Variants in PADI2 observed in about 807,000 individuals in gnomAD.
PADI2 encodes the protein protein-arginine deiminase type-2.
Under a neutral mutation model 81.1 loss-of-function variants are expected in PADI2, and 70 were observed. That is an observed-to-expected ratio of 0.86 (90% confidence interval 0.71 to 1.05). PADI2 has a LOEUF of 1.05. Ranked by LOEUF, PADI2 falls within the 50% of genes least tolerant of loss-of-function variation. The pLI is 0.00. For synonymous variants in PADI2, 338 were observed against 358.0 expected, an observed-to-expected ratio of 0.94 and a Z score of 0.63; for missense variants, 853 against 889.9, an observed-to-expected ratio of 0.96 and a Z score of 0.53.
At chr1:17,094,079 C>T (rs557388518) in intron 4 of PADI2, among the ~76,000 whole-genome samples, 20 of 152,222 alleles carry the variant, frequency 1.3e-4, no homozygotes, top group African/African-American at 3.9e-4. Flanking sequence ...TTTCCAGACA[C>T]GCTCCTAGTG....
At chr1:17,074,446 A>G (rs1165437451) in intron 13 of PADI2, among the ~76,000 whole-genome samples, 2 of 151,492 alleles carry the variant, frequency 1.3e-5, no homozygotes, top group African/African-American at 2.4e-5. Flanking sequence ...TGTTGCCCAG[A>G]TTGGTCTCGA....
Position 17,094,178 on chromosome 1 carries a change from C to T in PADI2, c.412-494G>A, listed in dbSNP as rs573370007. On this transcript the variant is annotated intron_variant, in intron 4 of 15. Transcript: ENST00000375486. The stretch of plus-strand genomic sequence containing the variant: ...ACTCGGGCCAGATTGTGTTGCTTCC[C>T]TGCTTTAAGCCAGGTCAGGGGCTCC... Among the ~76,000 whole-genome samples, 6 of 152,330 alleles carry T rather than the reference C, an allele frequency of 3.9e-5. No individual in the cohort carries two copies. The East Asian group carries it at 9.7e-4, about 25-fold the overall frequency.
chr1:17,084,282 A>C (rs2078369177), intron 8 of PADI2, among the ~76,000 whole-genome samples: 3 of 152,222 alleles, frequency 2.0e-5, no homozygotes, highest in African/African-American at 7.2e-5. Flanking sequence ...CTGTTTAATG[A>C]ATGAGTCAGA....
intron 1 of PADI2, among the ~76,000 whole-genome samples, chr1:17,110,879 A>C (rs890960650): frequency 6.6e-6 from 1 of 151,906 alleles, no homozygotes; most frequent in African/African-American, 2.4e-5. Flanking sequence ...TGTTTGTTTC[A>C]GCACCTGGCC....
intron 4 of PADI2, 71 bp from the exon 5 acceptor site, chr1:17,093,755 GAT>G (rs1396661293): frequency 1.1e-6 from 1 of 917,982 alleles, no homozygotes; most frequent in Non-Finnish European, 1.8e-6. Context: ...ACACTGGAGA[GAT>G]AGCCCCAGGA....
rs143212954 is a variant in PADI2 at position 17,093,724 on chromosome 1, T to A, written c.412-40A>T. Reference sequence around the variant, plus strand: ...AGAAAGGTCAGTGCCCTCTTCTCTATGCTTGTATAGACCCCATGGGACACT... The same window carrying A: ...AGAAAGGTCAGTGCCCTCTTCTCTAAGCTTGTATAGACCCCATGGGACACT... On this transcript the variant is annotated intron_variant, in intron 4 of 15. Transcript: ENST00000375486. 95 of 1,227,166 alleles carry A rather than the reference T, an allele frequency of 7.7e-5. No individual in the cohort carries two copies. The African/African-American group carries it at 1.4e-3, about 18-fold the overall frequency. 76.0% of individuals were successfully genotyped at this position (1,227,166 alleles called of 1,614,324 possible).
intron 2 of PADI2, among the ~76,000 whole-genome samples, chr1:17,103,745 CTA>C (rs1931234662): frequency 6.7e-6 from 1 of 149,346 alleles, no homozygotes; most frequent in Non-Finnish European, 1.5e-5. Flanking sequence ...AAAACTCACA[CTA>C]ATTTTAAATT....
chr1:17,104,590 T>C (rs191197968), intron 2 of PADI2, among the ~76,000 whole-genome samples: 1,889 of 151,726 alleles, frequency 0.012, 21 homozygotes, highest in Middle Eastern at 0.037. Flanking sequence ...ACCCGCCCCA[T>C]GCCTGGCTAA....
Position 17,103,010 on chromosome 1 carries a change from G to T in PADI2, c.326C>A (p.Ala109Glu). 2 of 1,613,290 alleles carry T rather than the reference G, an allele frequency of 1.2e-6. No homozygotes were observed. The highest frequency in any genetic ancestry group is 1.1e-5 in the South Asian group (1 of 90,894). ...ACCAATGGCTGTGAGGAAGAGCCCC[G>T]CCTGGTCGATGGGAATGCTCCCTTC... ...DEEGSIPIDQ[A>E]GLFLTAIEIS... Residue 109 changes from alanine (A) to glutamate (E), a missense_variant, in exon 3 of 16, where the codon GCG becomes GAG. Transcript: ENST00000375486.
Position 17,067,754 on chromosome 1 carries a change from C to T in PADI2, c.*1290G>A, listed in dbSNP as rs1263809737. ...TTGTTGAATGGTTGAAGGAAATAAT[C>T]CCAAATGAAAATCTTGTTCCTCCAA... On this transcript the variant is annotated 3_prime_UTR_variant, in exon 16 of 16. Transcript: ENST00000375486. 1 of 152,168 alleles carries T rather than the reference C, an allele frequency of 6.6e-6. No homozygotes were observed. The highest frequency in any genetic ancestry group is 1.5e-5 in the Non-Finnish European group (1 of 68,032). 9.4% of individuals were successfully genotyped at this position (152,168 alleles called of 1,614,324 possible). A position where few individuals can be genotyped will look rare whatever the true frequency, so the allele number is the denominator to read the frequency against.
intron 1 of PADI2, among the ~76,000 whole-genome samples, chr1:17,109,676 A>G (rs1018281316): frequency 6.6e-6 from 1 of 151,908 alleles, no homozygotes; most frequent in Non-Finnish European, 1.5e-5. Context: ...TTTTTAGTAG[A>G]GATGGGGTTG....
At chr1:17,082,757 G>A (rs1302623566) in intron 9 of PADI2, 105 bp from the exon 10 acceptor site, 1 of 683,452 alleles carries the variant, frequency 1.5e-6, no homozygotes, top group Non-Finnish European at 2.5e-6. Flanking sequence ...AAGAACGTCT[G>A]TCTTGTTCCC....
chr1:17,079,647 TGAGTGTGA>T (rs1180678607), intron 10 of PADI2, among the ~76,000 whole-genome samples: 1 of 151,014 alleles, frequency 6.6e-6, no homozygotes, highest in Non-Finnish European at 1.5e-5. Flanking sequence ...AGTGTGAGAG[TGAGTGTGA>T]GAGTGAGTGT....
rs1340114730 is a variant in PADI2 at position 17,119,377 on chromosome 1, C to T, written c.-6G>A. ...ACGGTCCGCTCGCGCAGCATCCTCC[C>T]CGCCGCAGTGCCCGCGCTCGCTGGT... On this transcript the variant is annotated 5_prime_UTR_variant, in exon 1 of 16. Transcript: ENST00000375486. The surrounding 1 kb of genome is among the most constrained non-coding windows in gnomAD (Gnocchi z 4.8). 2 of 1,527,656 alleles carry T rather than the reference C, an allele frequency of 1.3e-6. No individual in the cohort carries two copies. Among genetic ancestry groups the T allele is most frequent in the Non-Finnish European group, 1.8e-6 (2 of 1,137,624 alleles). 94.6% of individuals were successfully genotyped at this position (1,527,656 alleles called of 1,614,324 possible). A position where few individuals can be genotyped will look rare whatever the true frequency, so the allele number is the denominator to read the frequency against.
rs1008382975 is a variant in PADI2 at position 17,066,800 on chromosome 1, C to G, written c.*2244G>C. The G allele has an allele frequency of 6.6e-6, 1 of 152,050 alleles. No individual in the cohort carries two copies. Among genetic ancestry groups the G allele is most frequent in the Non-Finnish European group, 1.5e-5 (1 of 68,030 alleles). 9.4% of individuals were successfully genotyped at this position (152,050 alleles called of 1,614,324 possible). A position where few individuals can be genotyped will look rare whatever the true frequency, so the allele number is the denominator to read the frequency against. ...ACCATTTATTTCATTGTTCTTTAGT[C>G]GAGCTCTTCCCTAAACATCTTTAGA... On this transcript the variant is annotated 3_prime_UTR_variant, in exon 16 of 16. Transcript: ENST00000375486.
chr1:17,074,851 C>G lies in PADI2; in HGVS notation c.1549+5G>C. The G allele has an allele frequency of 6.3e-7, 1 of 1,597,622 alleles. No homozygotes were observed. The highest frequency in any genetic ancestry group is 2.2e-5 in the East Asian group (1 of 44,558). ...ACTTCCTGTCAAGGCCCTGTGGCCA[C>G]TCACCTTTGAACATGATGGCCTCTC... On this transcript the variant is annotated splice_donor_5th_base_variant and intron_variant, in intron 13 of 15. Transcript: ENST00000375486.
At chr1:17,112,159 C>T (rs996874971) in intron 1 of PADI2, among the ~76,000 whole-genome samples, 3 of 151,878 alleles carry the variant, frequency 2.0e-5, no homozygotes, top group Admixed American at 6.6e-5. Context: ...CCCACGTGAG[C>T]GATTATGGTG....
intron 9 of PADI2, chr1:17,083,392 T>G (rs1219448869): frequency 4.0e-6 from 1 of 251,368 alleles, no homozygotes; most frequent in African/African-American, 2.2e-5. Flanking sequence ...GAATATGTTT[T>G]CCGTTGAGTA....
chr1:17,077,005 G>T (rs144861795), intron 11 of PADI2, among the ~76,000 whole-genome samples: 2 of 151,854 alleles, frequency 1.3e-5, no homozygotes, highest in African/African-American at 4.8e-5. Context: ...CTCCTCCCTC[G>T]CTTCCCTCCC....
Sources: gnomAD v4.1 joint callset for allele counts (sites outside exome capture counted in the v4.1 genomes callset) on GRCh38, gnomAD v4.1.1 for gene constraint, Gnocchi (gnomAD v3.1) non-coding constraint, MANE v1.5 for transcripts, NCBI Gene and HGNC (gene_info 2026-07-23, HGNC 2026-07-21) for gene names.